The following CADPS2 variants were observed in gnomAD, a reference collection of about 807,000 sequenced individuals.
The protein encoded by CADPS2 is calcium dependent secretion activator 2, also known as calcium-dependent secretion activator 2.
CADPS2 carries 93 observed loss-of-function variants against 172.5 expected under a neutral mutation model. That is an observed-to-expected ratio of 0.54 (90% CI 0.46 to 0.64). The LOEUF is 0.64. CADPS2 is among the 30% of genes least tolerant of loss of function. The pLI, the probability that CADPS2 is intolerant of heterozygous loss-of-function variation, is 0.00. For synonymous variants in CADPS2, 546 were observed against 555.2 expected (o/e 0.98, Z 0.23); for missense variants, 1,420 against 1,565.9 (o/e 0.91, Z 1.57).
intron 5 of CADPS2, among the ~76,000 whole-genome samples, chr7:122,617,275 T>C (rs1163005171): frequency 6.6e-6 from 1 of 152,208 alleles, no homozygotes; most frequent in Non-Finnish European, 1.5e-5. Context: ...GCTTCTGTGA[T>C]GAATCTATAT....
chr7:122,713,603 G>A (rs2089126567), intron 2 of CADPS2, among the ~76,000 whole-genome samples: 1 of 151,290 alleles, frequency 6.6e-6, no homozygotes, highest in South Asian at 2.1e-4. Flanking sequence ...TTGTAAGGAA[G>A]TTTCTATTTT....
chr7:122,719,638 C>T (rs17144752), intron 2 of CADPS2, among the ~76,000 whole-genome samples: 21,342 of 152,074 alleles, frequency 0.14, 1,579 homozygotes, highest in Non-Finnish European at 0.16. Flanking sequence ...TCTGTCCATG[C>T]TACACCATCA....
At chr7:122,425,169 C>T (rs1352501815) in intron 17 of CADPS2, among the ~76,000 whole-genome samples, 5 of 151,836 alleles carry the variant, frequency 3.3e-5, no homozygotes, top group Non-Finnish European at 5.9e-5. Flanking sequence ...TTTATACAGA[C>T]GGGGTCTCAC....
intron 1 of CADPS2, among the ~76,000 whole-genome samples, chr7:122,778,255 C>A (rs2093945215): frequency 6.6e-6 from 1 of 152,102 alleles, no homozygotes; most frequent in African/African-American, 2.4e-5. Flanking sequence ...ATCTGTGGAA[C>A]TTTGAACTTG....
intron 3 of CADPS2, among the ~76,000 whole-genome samples, chr7:122,632,919 G>A (rs1417913907): frequency 6.6e-6 from 1 of 152,076 alleles, no homozygotes; most frequent in Non-Finnish European, 1.5e-5. Context: ...CATATGGCTA[G>A]CCAGTTATTC....
At chr7:122,688,611 G>C (rs1437322080) in intron 2 of CADPS2, among the ~76,000 whole-genome samples, 1 of 152,180 alleles carries the variant, frequency 6.6e-6, no homozygotes, top group Non-Finnish European at 1.5e-5. Flanking sequence ...TGTGCTGCTG[G>C]CTCTCCCTTG....
At chr7:122,515,997 T>A (rs2060345698) in intron 8 of CADPS2, among the ~76,000 whole-genome samples, 1 of 152,006 alleles carries the variant, frequency 6.6e-6, no homozygotes, top group African/African-American at 2.4e-5. Flanking sequence ...AATGACAGAT[T>A]AACAAAATTG....
intron 1 of CADPS2, among the ~76,000 whole-genome samples, chr7:122,822,305 A>G (rs563809824): frequency 2.0e-5 from 3 of 152,144 alleles, no homozygotes; most frequent in African/African-American, 7.2e-5. Flanking sequence ...TATCCAGGCC[A>G]TCACCAATCA....
At chr7:122,558,370 A>T (rs966004056) in intron 7 of CADPS2, among the ~76,000 whole-genome samples, 1 of 152,134 alleles carries the variant, frequency 6.6e-6, no homozygotes, top group Non-Finnish European at 1.5e-5. Context: ...GCTCTGTACA[A>T]ATAACTTTTA....
chr7:122,355,460 T>C (rs1055333750), intron 27 of CADPS2, among the ~76,000 whole-genome samples: 1 of 151,964 alleles, frequency 6.6e-6, no homozygotes, highest in Non-Finnish European at 1.5e-5. Context: ...ACATGCCTGT[T>C]TTCCCGGCTA....
At position 122,441,570 on chromosome 7, in the gene CADPS2, C is replaced by T; in HGVS notation, c.2294G>A (p.Cys765Tyr). 5 of 1,531,370 alleles carry T rather than the reference C, an allele frequency of 3.3e-6. No homozygotes were observed. In the East Asian group the frequency reaches 7.4e-5, roughly 23 times the overall value. 94.9% of individuals were successfully genotyped at this position (1,531,370 alleles called of 1,614,324 possible). The change falls in exon 16 of 30, where the codon TGT becomes TAT. Residue 765 changes from cysteine to tyrosine, a missense_variant. Coordinates refer to ENST00000449022, the MANE Select transcript of CADPS2 (RefSeq NM_017954.11). ...LENQISHFRY[C>Y]FPFGRPEGAL... ...ACCTTCAGGTCGTCCAAAGGGAAAA[C>T]AGTATCTTTAAAAACAAAAGAAAGA...
At chr7:122,450,513 T>C (rs1383989410) in intron 15 of CADPS2, among the ~76,000 whole-genome samples, 1 of 149,704 alleles carries the variant, frequency 6.7e-6, no homozygotes, top group African/African-American at 2.5e-5. Flanking sequence ...TTTCTTAGTA[T>C]TGGTGGCCTT....
intron 1 of CADPS2, among the ~76,000 whole-genome samples, chr7:122,846,862 C>G (rs1229507253): frequency 6.6e-6 from 1 of 152,210 alleles, no homozygotes; most frequent in African/African-American, 2.4e-5. Context: ...CAGCAAATCT[C>G]TACCAAAAGT....
intron 3 of CADPS2, among the ~76,000 whole-genome samples, chr7:122,633,034 T>C (rs1294498584): frequency 6.6e-6 from 1 of 152,192 alleles, no homozygotes; most frequent in Non-Finnish European, 1.5e-5. Context: ...CTGAGTTCTC[T>C]ATGCTGCTCC....
chr7:122,737,493 G>GAGCCAC (rs1210541606), intron 1 of CADPS2, among the ~76,000 whole-genome samples: 9 of 152,210 alleles, frequency 5.9e-5, no homozygotes, highest in African/African-American at 2.2e-4. Flanking sequence ...TTACAGGCAT[G>GAGCCAC]AGCCACTGCA....
intron 7 of CADPS2, among the ~76,000 whole-genome samples, chr7:122,560,233 C>G (rs568912716): frequency 1.3e-5 from 2 of 152,080 alleles, no homozygotes; most frequent in African/African-American, 4.8e-5. Flanking sequence ...ACAATACAGA[C>G]AGGTAGGTTG....
At chr7:122,784,003 C>T (rs1265948608) in intron 1 of CADPS2, among the ~76,000 whole-genome samples, 1 of 152,122 alleles carries the variant, frequency 6.6e-6, no homozygotes, top group Non-Finnish European at 1.5e-5. Flanking sequence ...AACATTTTCC[C>T]TCACTAAATT....
chr7:122,622,518 G>C (rs2075703940), intron 4 of CADPS2, among the ~76,000 whole-genome samples: 2 of 152,128 alleles, frequency 1.3e-5, no homozygotes, highest in African/African-American at 2.4e-5. Context: ...TTGATATTTA[G>C]ATGGTGCCGA....
intron 1 of CADPS2, among the ~76,000 whole-genome samples, chr7:122,862,056 C>CT (rs1817087145): frequency 6.6e-6 from 1 of 152,162 alleles, no homozygotes; most frequent in South Asian, 2.1e-4. Context: ...AAAACAGAGG[C>CT]TCCAATTCAA....
Sources: allele counts gnomAD v4.1 joint callset (sites outside exome capture counted in the v4.1 genomes callset), GRCh38; gene constraint gnomAD v4.1.1; transcripts MANE v1.5; gene names NCBI Gene and HGNC (gene_info 2026-07-23, HGNC 2026-07-21).